MON2: variants seen among roughly 807,000 people sequenced by gnomAD.
MON2 encodes MON2 regulator of endosome-to-Golgi trafficking.
MON2 carries 84 observed loss-of-function variants against 208.6 expected under a neutral mutation model. The observed-to-expected ratio is 0.40, with a 90% CI of 0.34 to 0.48. The LOEUF (loss-of-function observed/expected upper bound fraction) is 0.48. Among genes scored for constraint, MON2 ranks in the 20% least tolerant of loss-of-function variants. The pLI is 0.59. For missense variants in MON2, 1,611 were observed against 2,015.4 expected (o/e 0.80, Z 3.84); for synonymous variants, 660 against 694.0 (o/e 0.95, Z 0.77).
Position 62,553,160 on chromosome 12 carries a change from A to T in MON2, c.3196A>T (p.Thr1066Ser). ...TTTATTACAGCATTCAACCTGGCACACTGTTATCTGGAAGGTATTGTAAAA... is the reference window on the plus strand; with the variant it reads ...TTTATTACAGCATTCAACCTGGCACTCTGTTATCTGGAAGGTATTGTAAAA... ...GTLLQHSTWH[T>S]VIWKVLFHLL... is the part of the protein sequence containing the mutation. The change falls in exon 24 of 35, where the codon ACT becomes TCT. Residue 1066 changes from threonine (T) to serine (S), a missense_variant. Thr to Ser is a moderately conservative substitution (Grantham distance 58). Transcript: ENST00000393630. The T allele has an allele frequency of 6.2e-7, 1 of 1,613,788 alleles. No individual in the cohort carries two copies. The highest frequency in any genetic ancestry group is 8.5e-7 in the Non-Finnish European group (1 of 1,179,678).
chr12:62,574,939 C>T (rs748491972), intron 30 of MON2, among the ~76,000 whole-genome samples: 1 of 150,702 alleles, frequency 6.6e-6, no homozygotes, highest in Non-Finnish European at 1.5e-5. Flanking sequence ...GCCTGGGCAA[C>T]ATAGTGAGAC....
intron 2 of MON2, among the ~76,000 whole-genome samples, chr12:62,493,283 A>C (rs2070282637): frequency 1.3e-5 from 2 of 152,220 alleles, no homozygotes; most frequent in Non-Finnish European, 2.9e-5. Context: ...TTGCCACTTA[A>C]AAACTTCTGA....
intron 11 of MON2, among the ~76,000 whole-genome samples, chr12:62,527,983 T>C (rs1452367690): frequency 6.6e-6 from 1 of 152,208 alleles, no homozygotes; most frequent in Non-Finnish European, 1.5e-5. Flanking sequence ...TACTAAATAC[T>C]GTGATTTTGA....
chr12:62,532,871 C>T (rs1392838648), intron 12 of MON2, among the ~76,000 whole-genome samples: 4 of 152,066 alleles, frequency 2.6e-5, no homozygotes, highest in Non-Finnish European at 4.4e-5. Flanking sequence ...AGACATGATG[C>T]CGTATTACTA....
intron 24 of MON2, among the ~76,000 whole-genome samples, chr12:62,554,262 T>C (rs1305082033): frequency 6.6e-6 from 1 of 152,218 alleles, no homozygotes; most frequent in Non-Finnish European, 1.5e-5. Context: ...ACTATTCTAC[T>C]TCAGTCTCTT....
chr12:62,531,779 AT>A (rs949988620), intron 11 of MON2, among the ~76,000 whole-genome samples: 2 of 149,222 alleles, frequency 1.3e-5, no homozygotes, highest in African/African-American at 4.9e-5. Context: ...TTTATTTTTT[AT>A]TTTTTTTGAG....
intron 5 of MON2, 101 bp from the exon 6 acceptor site, chr12:62,500,682 A>G (rs143913309): frequency 5.0e-6 from 3 of 606,056 alleles, no homozygotes; most frequent in South Asian, 2.6e-5. Context: ...ACTTCAACTT[A>G]TATAAACAAA....
intron 8 of MON2, among the ~76,000 whole-genome samples, chr12:62,516,109 G>A (rs1420539837): frequency 6.6e-6 from 1 of 152,164 alleles, no homozygotes; most frequent in East Asian, 1.9e-4. Flanking sequence ...GTGAGATCCT[G>A]TCATTTGCAA....
In MON2 at chr12:62,546,853, T is replaced by A. The variant is rs373198715; in HGVS notation, c.2578-44T>A. The A allele has an allele frequency of 4.8e-6, 7 of 1,464,164 alleles. No individual in the cohort carries two copies. In the African/African-American group the frequency reaches 8.6e-5, roughly 18 times the overall value. The allele number at this position is 1,464,164 out of a possible 1,614,324, so 90.7% of individuals were successfully genotyped here. On this transcript the variant is annotated intron_variant, in intron 21 of 34. Coordinates refer to ENST00000393630, the MANE Select transcript of MON2 (RefSeq NM_015026.3). ...AAAGCAACAGTAAAGCCTTCTTGTC[T>A]TTTTGGACTTCTCTTCCTAATTAGT... is the stretch of plus-strand genomic sequence containing the variant.
intron 29 of MON2, among the ~76,000 whole-genome samples, chr12:62,569,711 A>T (rs757837304): frequency 6.6e-6 from 1 of 152,170 alleles, no homozygotes; most frequent in East Asian, 1.9e-4. Context: ...GGCTTAATCA[A>T]CTCATCATCT....
In MON2 at chr12:62,597,711, A is replaced by G. The variant is rs183721182; in HGVS notation, c.*4962A>G. On this transcript the variant is annotated 3_prime_UTR_variant, in exon 35 of 35. Coordinates refer to ENST00000393630, the MANE Select transcript of MON2 (RefSeq NM_015026.3). ...ATCATGTCTTTTCTGTTATGTGGGT[A>G]GAGAGATTATATATCTTTTCTCAAA... The G allele has an allele frequency of 6.6e-6, 1 of 152,290 alleles. No individual in the cohort carries two copies. The highest frequency in any genetic ancestry group is 6.5e-5 in the Admixed American group (1 of 15,288). 9.4% of individuals were successfully genotyped at this position (152,290 alleles called of 1,614,324 possible). A position where few individuals can be genotyped will look rare whatever the true frequency, so the allele number is the denominator to read the frequency against.
intron 24 of MON2, among the ~76,000 whole-genome samples, chr12:62,553,545 C>G (rs2073840262): frequency 6.6e-6 from 1 of 152,060 alleles, no homozygotes. Context: ...GTTTGTTTTA[C>G]TTTTGAGGTC....
At chr12:62,506,481 C>G (rs2071103624) in intron 7 of MON2, among the ~76,000 whole-genome samples, 1 of 152,114 alleles carries the variant, frequency 6.6e-6, no homozygotes, top group African/African-American at 2.4e-5. Context: ...CCTGTAATCA[C>G]AGCGCTTTGG....
chr12:62,565,080 T>A (rs2074330002), intron 26 of MON2, 157 bp from the exon 27 acceptor site: 3 of 661,422 alleles, frequency 4.5e-6, no homozygotes, highest in South Asian at 4.3e-5. Context: ...TCTATAACAG[T>A]TTAAAATAGT....
At position 62,596,830 on chromosome 12, in the gene MON2, T is replaced by G. The variant is rs2075537199; in HGVS notation, c.*4081T>G. The G allele has an allele frequency of 6.6e-6, 1 of 152,230 alleles. No homozygotes were observed. The highest frequency in any genetic ancestry group is 1.5e-5 in the Non-Finnish European group (1 of 68,036). 9.4% of individuals were successfully genotyped at this position (152,230 alleles called of 1,614,324 possible). A position where few individuals can be genotyped will look rare whatever the true frequency, so the allele number is the denominator to read the frequency against. On this transcript the variant is annotated 3_prime_UTR_variant, in exon 35 of 35. Coordinates refer to ENST00000393630, the MANE Select transcript of MON2 (RefSeq NM_015026.3). The stretch of plus-strand genomic sequence containing the variant: ...GAGATGATATCTTTGTATCTTGATT[T>G]ATATACAGACCATTTCAGAGGAAGT...
At chr12:62,489,450 C>T (rs189327730) in intron 2 of MON2, among the ~76,000 whole-genome samples, 1 of 152,122 alleles carries the variant, frequency 6.6e-6, no homozygotes, top group Non-Finnish European at 1.5e-5. Context: ...ATATTAACCT[C>T]CCATCATGTT....
In MON2 at chr12:62,596,960, T is replaced by G. The variant is rs188550904; in HGVS notation, c.*4211T>G. 1 of 152,334 alleles carries G rather than the reference T, an allele frequency of 6.6e-6. No homozygotes were observed. Among genetic ancestry groups the G allele is most frequent in the East Asian group, 1.9e-4 (1 of 5,190 alleles). 9.4% of individuals were successfully genotyped at this position (152,334 alleles called of 1,614,324 possible). A position where few individuals can be genotyped will look rare whatever the true frequency, so the allele number is the denominator to read the frequency against. On this transcript the variant is annotated 3_prime_UTR_variant, in exon 35 of 35. Coordinates refer to ENST00000393630, the MANE Select transcript of MON2 (RefSeq NM_015026.3). The stretch of plus-strand genomic sequence containing the variant: ...GAATATTCTTGGTCATCTCGACTAA[T>G]TCTGAGGCAATGATGGACAGAGATG...
chr12:62,553,161 C>T lies in MON2; in HGVS notation c.3197C>T (p.Thr1066Ile), dbSNP rs1263103459. ...GTLLQHSTWHTVIWKVLFHLL... is the reference protein window; with the variant it reads ...GTLLQHSTWHIVIWKVLFHLL... ...TTATTACAGCATTCAACCTGGCACA[C>T]TGTTATCTGGAAGGTATTGTAAAAT... Residue 1066 changes from threonine (T) to isoleucine (I), a missense_variant, in exon 24 of 35, where the codon ACT (threonine) becomes ATT (isoleucine). By Grantham distance (89) the Thr-to-Ile change is moderately conservative. Transcript: ENST00000393630. 6.2e-7 allele frequency: 1 copy of T among 1,613,604 alleles called. No homozygotes were observed. Among genetic ancestry groups the T allele is most frequent in the Non-Finnish European group, 8.5e-7 (1 of 1,179,682 alleles).
chr12:62,541,304 G>T (rs554292128), intron 19 of MON2, among the ~76,000 whole-genome samples: 1 of 151,584 alleles, frequency 6.6e-6, no homozygotes, highest in African/African-American at 2.4e-5. Flanking sequence ...TCACTTGGGA[G>T]GTGGAGGTTG....
Sources: allele counts gnomAD v4.1 joint callset (sites outside exome capture counted in the v4.1 genomes callset), GRCh38; gene constraint gnomAD v4.1.1; transcripts MANE v1.5; gene names NCBI Gene and HGNC (gene_info 2026-07-23, HGNC 2026-07-21).